PCNX1: variants seen among roughly 807,000 people sequenced by gnomAD.
PCNX1 encodes pecanex-like protein 1.
In PCNX1, 78 loss-of-function variants were observed where a neutral mutation model predicts 242.2. The ratio of observed to expected loss-of-function variants is 0.32; its 90% CI spans 0.27 to 0.39. The LOEUF (loss-of-function observed/expected upper bound fraction) is 0.39, where lower values mean the gene tolerates loss of function less well. Ranked by LOEUF, PCNX1 falls within the 10% of genes least tolerant of loss-of-function variation. The pLI is 1.00. For synonymous variants in PCNX1, 1,024 were observed against 1,032.9 expected (o/e 0.99, Z 0.17); for missense variants, 2,581 against 2,856.5 (o/e 0.90, Z 2.20).
chr14:71,047,674 C>A (rs927428428), intron 21 of PCNX1, 133 bp from the exon 22 acceptor site: 2 of 644,906 alleles, frequency 3.1e-6, no homozygotes, highest in African/African-American at 1.8e-5. Context: ...TAGCTCTATA[C>A]ATCATTTTTG....
chr14:71,113,990 A>ATAAGG lies in PCNX1; in HGVS notation c.*4058_*4062dup, dbSNP rs1232862175. On this transcript the variant is annotated 3_prime_UTR_variant, in exon 36 of 36. Transcript: ENST00000304743. ...TCTTTTGATAGGATACATGGTTTAGATAAGGTATAAAGTGTCCCTTTTTAT... is the reference window on the plus strand; with the variant it reads ...TCTTTTGATAGGATACATGGTTTAGATAAGGTAAGGTATAAAGTGTCCCTTTTTAT... 1.3e-5 allele frequency: 2 copies of ATAAGG among 152,158 alleles called. No homozygotes were observed. The highest frequency in any genetic ancestry group is 2.9e-5 in the Non-Finnish European group (2 of 68,012). 9.4% of individuals were successfully genotyped at this position (152,158 alleles called of 1,614,324 possible).
intron 1 of PCNX1, among the ~76,000 whole-genome samples, chr14:70,928,346 C>T (rs1450366504): frequency 6.6e-6 from 1 of 152,098 alleles, no homozygotes; most frequent in Non-Finnish European, 1.5e-5. Context: ...CTTACTTTTA[C>T]TTAATTGTGA....
chr14:70,963,435 G>T (rs1323919272), intron 3 of PCNX1, among the ~76,000 whole-genome samples: 1 of 152,238 alleles, frequency 6.6e-6, no homozygotes, highest in East Asian at 1.9e-4. Context: ...ATTAGAGGTA[G>T]ATCAGACCTA....
chr14:71,034,185 T>C, intron 18 of PCNX1, 149 bp downstream of exon 18: 1 of 553,368 alleles, frequency 1.8e-6, no homozygotes, highest in Non-Finnish European at 3.2e-6. Context: ...GTTGATTGTC[T>C]TTATTCCAAA....
At position 71,013,057 on chromosome 14, in the gene PCNX1, G is replaced by A; in HGVS notation, c.2851G>A (p.Asp951Asn). The change falls in exon 11 of 36, where the codon GAT becomes AAT. Residue 951 changes from aspartate to asparagine, a missense_variant. Physicochemically the swap from Asp to Asn is conservative, Grantham distance 23. This residue lies in a region of PCNX1 where 1,204 missense variants were observed against 1,216.7 expected (regional missense o/e 0.99). Coordinates refer to ENST00000304743, the MANE Select transcript of PCNX1 (RefSeq NM_014982.3). ...AGATTTGTTGGAGCAACAGGACATT[G>A]ATCTAAGCCCTGACTTGGCAGCTAC... ...DTDLLEQQDI[D>N]LSPDLAATYG... The A allele has an allele frequency of 6.2e-7, 1 of 1,614,116 alleles. No individual in the cohort carries two copies. Among genetic ancestry groups the A allele is most frequent in the Non-Finnish European group, 8.5e-7 (1 of 1,179,990 alleles).
chr14:71,026,809 T>C lies in PCNX1; in HGVS notation c.3393T>C (p.Gly1131=). ...TLCFPIVFFI[G]LLPQVNTFVM... ...GTTTCCCAATAGTGTTTTTCATTGGTCTCCTGCCTCAGGTGAATACATTTG... is the reference window on the plus strand; with the variant it reads ...GTTTCCCAATAGTGTTTTTCATTGGCCTCCTGCCTCAGGTGAATACATTTG... The change falls in exon 15 of 36, where the codon GGT becomes GGC. Residue 1131 remains glycine (G), a synonymous_variant. Coordinates refer to ENST00000304743, the MANE Select transcript of PCNX1 (RefSeq NM_014982.3). 1 of 1,572,040 alleles carries C rather than the reference T, an allele frequency of 6.4e-7. No individual in the cohort carries two copies. The highest frequency in any genetic ancestry group is 8.7e-7 in the Non-Finnish European group (1 of 1,143,172).
At chr14:70,918,189 A>T (rs1466188954) in intron 1 of PCNX1, among the ~76,000 whole-genome samples, 4 of 152,228 alleles carry the variant, frequency 2.6e-5, no homozygotes, top group African/African-American at 9.6e-5. Context: ...TCACTGGAGT[A>T]GCACTTGTAA....
At chr14:71,107,333 C>G (rs951357089) in intron 33 of PCNX1, among the ~76,000 whole-genome samples, 2 of 151,948 alleles carry the variant, frequency 1.3e-5, no homozygotes, top group East Asian at 3.8e-4. Flanking sequence ...TATCTGAGAT[C>G]TGTTTTCTTT....
At chr14:71,006,958 C>A (rs2059686170) in intron 8 of PCNX1, among the ~76,000 whole-genome samples, 1 of 152,010 alleles carries the variant, frequency 6.6e-6, no homozygotes, top group South Asian at 2.1e-4. Flanking sequence ...TTTTTAAGAA[C>A]CTAAACATGC....
intron 1 of PCNX1, among the ~76,000 whole-genome samples, chr14:70,934,370 A>G (rs1267760454): frequency 6.6e-6 from 1 of 150,506 alleles, no homozygotes; most frequent in East Asian, 1.9e-4. Context: ...AGAGAAAACA[A>G]AGTGAAATAT....
intron 1 of PCNX1, among the ~76,000 whole-genome samples, chr14:70,939,559 G>A (rs569972161): frequency 1.6e-4 from 25 of 152,260 alleles, no homozygotes; most frequent in Admixed American, 7.2e-4. Context: ...CAACTGTGTC[G>A]TCAGTTTTGG....
chr14:70,910,047 C>CTCACCAGCACCATCATCATCACGGCCAT (rs2055764222), intron 1 of PCNX1, among the ~76,000 whole-genome samples: 1 of 79,496 alleles, frequency 1.3e-5, no homozygotes, highest in Admixed American at 1.2e-4. Context: ...TCCTCCTCCT[C>CTCACCAGCACCATCATCATCACGGCCAT]CTCCTCCTCC....
chr14:70,949,239 A>G (rs28470819), intron 2 of PCNX1, among the ~76,000 whole-genome samples: 6 of 130,078 alleles, frequency 4.6e-5, no homozygotes, highest in South Asian at 2.3e-4. Flanking sequence ...GTATGTGTAT[A>G]TACACACGTG....
intron 19 of PCNX1, among the ~76,000 whole-genome samples, chr14:71,040,661 C>G (rs1039479811): frequency 6.6e-6 from 1 of 152,000 alleles, no homozygotes. Context: ...TTCATCCCCT[C>G]AAGCATTTGT....
At chr14:71,005,876 T>G (rs1413726464) in intron 8 of PCNX1, among the ~76,000 whole-genome samples, 1 of 152,130 alleles carries the variant, frequency 6.6e-6, no homozygotes, top group East Asian at 1.9e-4. Context: ...TAACAGTCAC[T>G]ATTGAGTATT....
chr14:70,967,479 ATTTAT>A (rs1229791488), intron 3 of PCNX1, among the ~76,000 whole-genome samples: 1 of 152,146 alleles, frequency 6.6e-6, no homozygotes, highest in Non-Finnish European at 1.5e-5. Flanking sequence ...AATTTGTGGT[ATTTAT>A]TTATATGATT....
At chr14:70,924,737 C>A (rs2056519799) in intron 1 of PCNX1, among the ~76,000 whole-genome samples, 1 of 151,896 alleles carries the variant, frequency 6.6e-6, no homozygotes, top group African/African-American at 2.4e-5. Context: ...TAAGCACACA[C>A]CCCACCACGC....
At chr14:70,999,039 A>C (rs993949574) in intron 8 of PCNX1, among the ~76,000 whole-genome samples, 1 of 152,080 alleles carries the variant, frequency 6.6e-6, no homozygotes, top group Non-Finnish European at 1.5e-5. Context: ...CTGTTTTCTG[A>C]ATTAAACTAC....
chr14:71,012,534 A>G (rs1354869609), intron 10 of PCNX1: 1 of 181,968 alleles, frequency 5.5e-6, no homozygotes, highest in Non-Finnish European at 1.2e-5. Context: ...TAATCATAAC[A>G]TATTCATAAA....
Sources: gnomAD v4.1 joint callset for allele counts (sites outside exome capture counted in the v4.1 genomes callset) on GRCh38, gnomAD v4.1.1 for gene constraint, gnomAD v4.1.1 regional missense constraint, MANE v1.5 for transcripts, NCBI Gene and HGNC (gene_info 2026-07-23, HGNC 2026-07-21) for gene names.